Variants in AGBL4 observed in about 807,000 individuals in gnomAD.
AGBL4 encodes AGBL carboxypeptidase 4.
Under a neutral mutation model 66.4 loss-of-function variants are expected in AGBL4, and 58 were observed. That is an observed-to-expected ratio of 0.87 (90% CI 0.71 to 1.09). The LOEUF is 1.09. AGBL4 is among the 50% of genes least tolerant of loss of function. AGBL4 has a pLI of 0.00. For synonymous variants in AGBL4, 234 were observed against 222.9 expected, an observed-to-expected ratio of 1.05 and a Z score of -0.44; for missense variants, 579 against 631.0, an observed-to-expected ratio of 0.92 and a Z score of 0.88.
At chr1:49,272,102 A>T (rs1238116862) in intron 3 of AGBL4, among the ~76,000 whole-genome samples, 1 of 152,196 alleles carries the variant, frequency 6.6e-6, no homozygotes, top group African/African-American at 2.4e-5. Context: ...TTCTTTGTGC[A>T]CTTAGTTTTA....
At chr1:50,019,668 T>TA (rs1297311977) in intron 1 of AGBL4, among the ~76,000 whole-genome samples, 3 of 152,122 alleles carry the variant, frequency 2.0e-5, no homozygotes, top group African/African-American at 7.2e-5. Context: ...CTGCATCATT[T>TA]AAAAAAATGT....
chr1:49,251,568 C>A (rs1056089957), intron 3 of AGBL4, among the ~76,000 whole-genome samples: 4 of 152,216 alleles, frequency 2.6e-5, no homozygotes, highest in Non-Finnish European at 5.9e-5. Context: ...GCCAACACCA[C>A]CTCCAATGCA....
chr1:49,198,919 C>A (rs1199114605), intron 4 of AGBL4, among the ~76,000 whole-genome samples: 2 of 152,160 alleles, frequency 1.3e-5, no homozygotes, highest in Admixed American at 6.6e-5. Context: ...CCAATCTGCA[C>A]ATATGTGCTT....
intron 8 of AGBL4, among the ~76,000 whole-genome samples, chr1:48,648,427 T>C (rs903396288): frequency 6.6e-6 from 1 of 152,176 alleles, no homozygotes; most frequent in Non-Finnish European, 1.5e-5. Context: ...TACTAAATGA[T>C]GGAAGGTGCC....
chr1:49,579,909 T>C (rs530303322), intron 3 of AGBL4, among the ~76,000 whole-genome samples: 14 of 152,340 alleles, frequency 9.2e-5, no homozygotes, highest in African/African-American at 3.1e-4. Flanking sequence ...GAGTGGGGTA[T>C]TGAAGTCCCC....
At chr1:49,071,955 T>A (rs561516577) in intron 4 of AGBL4, among the ~76,000 whole-genome samples, 2 of 152,352 alleles carry the variant, frequency 1.3e-5, no homozygotes, top group South Asian at 4.1e-4. Flanking sequence ...ATATTCAGGA[T>A]AGTTAGCTCT....
At chr1:48,879,316 C>T (rs1414820622) in intron 5 of AGBL4, among the ~76,000 whole-genome samples, 1 of 151,884 alleles carries the variant, frequency 6.6e-6, no homozygotes, top group Non-Finnish European at 1.5e-5. Context: ...CACAAGCATA[C>T]TCGCTTGTGT....
chr1:49,288,836 C>G (rs1644478998), intron 3 of AGBL4, among the ~76,000 whole-genome samples: 1 of 152,160 alleles, frequency 6.6e-6, no homozygotes, highest in Admixed American at 6.5e-5. Context: ...GAAATTCAAC[C>G]TCGACTGGAT....
chr1:48,758,844 T>G (rs889075951), intron 6 of AGBL4: 2 of 1,402,436 alleles, frequency 1.4e-6, no homozygotes. Context: ...TGGAAGAGGA[T>G]CTGCATGAAG....
chr1:49,301,805 A>G (rs1644749760), intron 3 of AGBL4, among the ~76,000 whole-genome samples: 1 of 152,110 alleles, frequency 6.6e-6, no homozygotes, highest in Non-Finnish European at 1.5e-5. Flanking sequence ...CCACCCAGGA[A>G]TGGACTCAGC....
At chr1:49,030,680 G>A (rs1461956814) in intron 5 of AGBL4, among the ~76,000 whole-genome samples, 6 of 151,884 alleles carry the variant, frequency 4.0e-5, no homozygotes, top group Non-Finnish European at 7.4e-5. Flanking sequence ...GTTTCATCCC[G>A]AAACCACCCC....
intron 3 of AGBL4, among the ~76,000 whole-genome samples, chr1:49,309,078 T>C (rs1333158874): frequency 2.0e-5 from 3 of 152,094 alleles, no homozygotes; most frequent in African/African-American, 7.2e-5. Context: ...AGGTAGACTA[T>C]AGTGATTATA....
At chr1:49,874,474 A>T (rs2148119652) in intron 1 of AGBL4, among the ~76,000 whole-genome samples, 1 of 152,276 alleles carries the variant, frequency 6.6e-6, no homozygotes, top group African/African-American at 2.4e-5. Flanking sequence ...AATAAAGTTT[A>T]TCTTTCAATG....
chr1:49,488,580 C>T (rs988252837), intron 3 of AGBL4, among the ~76,000 whole-genome samples: 4 of 151,668 alleles, frequency 2.6e-5, no homozygotes, highest in African/African-American at 9.7e-5. Flanking sequence ...TATTTCAATA[C>T]ACACAATTAA....
intron 3 of AGBL4, among the ~76,000 whole-genome samples, chr1:49,570,285 T>G (rs376138861): frequency 6.6e-6 from 1 of 152,184 alleles, no homozygotes; most frequent in East Asian, 1.9e-4. Flanking sequence ...TGGGGTAAGA[T>G]TCTATCTCAT....
At chr1:49,240,784 AT>A (rs1180968324) in intron 4 of AGBL4, among the ~76,000 whole-genome samples, 1 of 151,640 alleles carries the variant, frequency 6.6e-6, no homozygotes, top group African/African-American at 2.4e-5. Flanking sequence ...TCTCTTACCA[AT>A]ATACCACACT....
At chr1:49,293,369 C>T (rs939128047) in intron 3 of AGBL4, among the ~76,000 whole-genome samples, 2 of 152,168 alleles carry the variant, frequency 1.3e-5, no homozygotes, top group African/African-American at 4.8e-5. Context: ...CAGAATGAGC[C>T]CAGCAGGCCT....
At chr1:48,828,185 CAAAA>C (rs569351077) in intron 6 of AGBL4, among the ~76,000 whole-genome samples, 1 of 123,400 alleles carries the variant, frequency 8.1e-6, no homozygotes, top group African/African-American at 3.3e-5. Flanking sequence ...AACTCCATCT[CAAAA>C]AAAAAAAAAA....
chr1:48,720,464 C>A (rs1319047467), intron 6 of AGBL4, among the ~76,000 whole-genome samples: 1 of 152,216 alleles, frequency 6.6e-6, no homozygotes, highest in South Asian at 2.1e-4. Context: ...TGGAGTCACA[C>A]AGGCTTAGAT....
Sources: gnomAD v4.1 joint callset for allele counts (sites outside exome capture counted in the v4.1 genomes callset) on GRCh38, gnomAD v4.1.1 for gene constraint, MANE v1.5 for transcripts, NCBI Gene and HGNC (gene_info 2026-07-23, HGNC 2026-07-21) for gene names.